MAP4K4: variants seen among roughly 807,000 people sequenced by gnomAD.
MAP4K4 encodes mitogen-activated protein kinase kinase kinase kinase 4, also known as HPK/GCK-like kinase HGK.
In MAP4K4, 38 loss-of-function variants were observed where a neutral mutation model predicts 189.6. The observed-to-expected ratio is 0.20, with a 90% confidence interval of 0.15 to 0.26. The LOEUF (loss-of-function observed/expected upper bound fraction) is 0.26, where lower values mean the gene tolerates loss of function less well. MAP4K4 is among the 10% of genes least tolerant of loss of function. The pLI is 1.00. For missense variants in MAP4K4, 1,054 were observed against 1,726.9 expected (o/e 0.61, Z 6.91); for synonymous variants, 610 against 624.3 (o/e 0.98, Z 0.34).
At chr2:101,698,721 T>G (rs1429771421) in intron 2 of MAP4K4, among the ~76,000 whole-genome samples, 183 bp downstream of exon 2, 2 of 152,208 alleles carry the variant, frequency 1.3e-5, no homozygotes, top group Non-Finnish European at 2.9e-5. Context: ...CAGACTGGCC[T>G]TAAAAGACCT....
At chr2:101,820,842 C>T (rs2096007518) in intron 3 of MAP4K4, among the ~76,000 whole-genome samples, 1 of 152,128 alleles carries the variant, frequency 6.6e-6, no homozygotes, top group African/African-American at 2.4e-5. Flanking sequence ...AAGCCCTGGT[C>T]GCTACTGCTC....
intron 2 of MAP4K4, among the ~76,000 whole-genome samples, chr2:101,709,857 ATATTT>A (rs1428655963): frequency 6.6e-6 from 1 of 152,134 alleles, no homozygotes; most frequent in African/African-American, 2.4e-5. Context: ...TATTTTTCTT[ATATTT>A]TATTCTTAAG....
chr2:101,766,588 C>T (rs1268691903), intron 2 of MAP4K4, among the ~76,000 whole-genome samples: 2 of 150,672 alleles, frequency 1.3e-5, no homozygotes, highest in Non-Finnish European at 2.9e-5. Context: ...CAGCTTTATT[C>T]AGATTTAGAG....
chr2:101,861,284 T>G, intron 16 of MAP4K4: 1 of 236,202 alleles, frequency 4.2e-6, no homozygotes, highest in Non-Finnish European at 8.2e-6. Flanking sequence ...AAAGATCTTT[T>G]AGTTTAGTTT....
At chr2:101,868,489 G>A (rs144454002) in intron 21 of MAP4K4, among the ~76,000 whole-genome samples, 36 of 152,318 alleles carry the variant, frequency 2.4e-4, no homozygotes, top group African/African-American at 8.4e-4. Context: ...ATGAAAATGT[G>A]GAGTATAAAT....
intron 26 of MAP4K4, among the ~76,000 whole-genome samples, chr2:101,874,918 C>A (rs1190473196): frequency 2.6e-5 from 4 of 152,164 alleles, no homozygotes; most frequent in Non-Finnish European, 4.4e-5. Context: ...CTCCCTCATT[C>A]TTTCTCACTG....
In MAP4K4 at chr2:101,795,376, C is replaced by G. The variant is rs1415417854; in HGVS notation, c.180+4600C>G. On this transcript the variant is annotated intron_variant, in intron 3 of 32. Coordinates refer to ENST00000324219, the Ensembl canonical transcript of MAP4K4. ...AACAATCTGTAGAAGAGTTTCCTACCTACCCCTTCCCTTCTCTCTTTGTCT... is the reference window on the plus strand; with the variant it reads ...AACAATCTGTAGAAGAGTTTCCTACGTACCCCTTCCCTTCTCTCTTTGTCT... 2.0e-5 allele frequency among the ~76,000 whole-genome samples: 3 copies of G among 152,154 alleles called. No individual in the cohort carries two copies. The South Asian group carries it at 6.2e-4, about 32-fold the overall frequency.
chr2:101,828,995 A>G (rs974322845), intron 5 of MAP4K4, among the ~76,000 whole-genome samples: 1 of 152,206 alleles, frequency 6.6e-6, no homozygotes, highest in Non-Finnish European at 1.5e-5. Flanking sequence ...CAATCGTTTT[A>G]TGCTTGGGAT....
In MAP4K4 at chr2:101,887,045, T is replaced by A. The variant is rs60603826; in HGVS notation, c.3622-43T>A. The A allele has an allele frequency of 2.8e-3, 2,946 of 1,054,094 alleles. 72 individuals are homozygous for A. The African/African-American group carries it at 0.049, about 17-fold the overall frequency. 65.3% of individuals were successfully genotyped at this position (1,054,094 alleles called of 1,614,324 possible). A position where few individuals can be genotyped will look rare whatever the true frequency, so the allele number is the denominator to read the frequency against. On this transcript the variant is annotated intron_variant, in intron 29 of 32. Coordinates refer to ENST00000324219, the Ensembl canonical transcript of MAP4K4. Reference sequence around the variant, plus strand: ...GTCTCAAAAAAAAAAAAAAAAAAAATGTTCTCCTTCATCTTCTCACTTCTC... The same window carrying A: ...GTCTCAAAAAAAAAAAAAAAAAAAAAGTTCTCCTTCATCTTCTCACTTCTC...
At position 101,760,327 on chromosome 2, in the gene MAP4K4, A is replaced by G. The variant is rs2075682881; in HGVS notation, c.124-30393A>G. ...AACATGGTAAAACCCTGTCTCTACTAAAAATACAAAAATTAGCCAGATGTG... is the reference window on the plus strand; with the variant it reads ...AACATGGTAAAACCCTGTCTCTACTGAAAATACAAAAATTAGCCAGATGTG... On this transcript the variant is annotated intron_variant, in intron 2 of 32. Coordinates refer to ENST00000324219, the Ensembl canonical transcript of MAP4K4. 2.0e-5 allele frequency among the ~76,000 whole-genome samples: 3 copies of G among 151,902 alleles called. No individual in the cohort carries two copies. In the South Asian group the frequency reaches 6.2e-4, roughly 32 times the overall value.
chr2:101,840,588 T>C (rs988853429), intron 10 of MAP4K4, among the ~76,000 whole-genome samples: 4 of 152,258 alleles, frequency 2.6e-5, no homozygotes, highest in Non-Finnish European at 5.9e-5. Context: ...GTTCTCCGTT[T>C]TCCTTCTGTC....
intron 11 of MAP4K4, 77 bp from the exon 12 acceptor site, chr2:101,844,024 A>G (rs2149588840): frequency 2.2e-6 from 2 of 923,780 alleles, no homozygotes; most frequent in Non-Finnish European, 3.4e-6. Context: ...AAATGGGATA[A>G]TATGCTGGTG....
chr2:101,787,317 T>C (rs2091638418), intron 2 of MAP4K4, among the ~76,000 whole-genome samples: 1 of 152,236 alleles, frequency 6.6e-6, no homozygotes, highest in African/African-American at 2.4e-5. Flanking sequence ...ATATAATAGA[T>C]GTCTACCCCC....
intron 2 of MAP4K4, among the ~76,000 whole-genome samples, chr2:101,717,593 C>T (rs952038136): frequency 2.6e-5 from 4 of 152,164 alleles, no homozygotes; most frequent in Admixed American, 2.6e-4. Flanking sequence ...GGCCTGAACT[C>T]CATTACCAGG....
intron 2 of MAP4K4, among the ~76,000 whole-genome samples, chr2:101,731,178 G>T (rs1292723513): frequency 1.3e-5 from 2 of 151,626 alleles, no homozygotes; most frequent in African/African-American, 4.8e-5. Flanking sequence ...GTGCAGTGGC[G>T]CGATCTCGGC....
intron 2 of MAP4K4, among the ~76,000 whole-genome samples, chr2:101,732,393 T>G (rs1574464358): frequency 6.6e-6 from 1 of 152,142 alleles, no homozygotes; most frequent in Admixed American, 6.5e-5. Context: ...GTGAGTAATG[T>G]TTAAAGTTTT....
intron 2 of MAP4K4, among the ~76,000 whole-genome samples, chr2:101,748,498 A>G (rs1464886693): frequency 6.6e-6 from 1 of 152,200 alleles, no homozygotes; most frequent in Admixed American, 6.5e-5. Context: ...TTGGAATACA[A>G]CAAGACTGCT....
intron 3 of MAP4K4, among the ~76,000 whole-genome samples, chr2:101,814,369 A>C (rs1193660940): frequency 6.6e-6 from 1 of 152,186 alleles, no homozygotes; most frequent in Non-Finnish European, 1.5e-5. Context: ...AGCATCTTTG[A>C]ATTCTTAGAG....
rs533189923 is a variant in MAP4K4 at position 101,807,918 on chromosome 2, G to A, written c.181-16010G>A. Reference sequence around the variant, plus strand: ...CAAGAGAGGTGGTGCTAAACCATCCGTGAGAAACCCACCTCATGATCTAGT... The same window carrying A: ...CAAGAGAGGTGGTGCTAAACCATCCATGAGAAACCCACCTCATGATCTAGT... On this transcript the variant is annotated intron_variant, in intron 3 of 32. Transcript: ENST00000324219. 3.3e-5 allele frequency among the ~76,000 whole-genome samples: 5 copies of A among 152,292 alleles called. No individual in the cohort carries two copies. In the East Asian group the frequency reaches 7.7e-4, roughly 24 times the overall value.
Sources: allele counts gnomAD v4.1 joint callset (sites outside exome capture counted in the v4.1 genomes callset), GRCh38; gene constraint gnomAD v4.1.1; transcripts MANE v1.5; gene names NCBI Gene and HGNC (gene_info 2026-07-23, HGNC 2026-07-21).